The following ACOT7 variants were observed in gnomAD, a reference collection of about 807,000 sequenced individuals.
The protein encoded by ACOT7 is cytosolic acyl coenzyme A thioester hydrolase.
Under a neutral mutation model 40.2 loss-of-function variants are expected in ACOT7, and 12 were observed. That is an observed-to-expected ratio of 0.30 (90% CI 0.19 to 0.48). ACOT7 has a LOEUF of 0.48. Among genes scored for constraint, ACOT7 ranks in the 20% least tolerant of loss-of-function variants. The probability of loss-of-function intolerance (pLI) is 0.99; values close to 1 mark genes in which losing one functional copy is unlikely to be tolerated. For missense variants in ACOT7, 395 were observed against 530.8 expected, an observed-to-expected ratio of 0.74 and a Z score of 2.51; for synonymous variants, 228 against 219.5, an observed-to-expected ratio of 1.04 and a Z score of -0.34.
chr1:6,283,093 G>T (rs1639400908), intron 7 of ACOT7, among the ~76,000 whole-genome samples: 2 of 152,344 alleles, frequency 1.3e-5, no homozygotes, highest in Non-Finnish European at 2.9e-5. Flanking sequence ...CCACCCATGA[G>T]CGTGGTGCCT....
chr1:6,366,909 T>C (rs1293077812), intron 1 of ACOT7, among the ~76,000 whole-genome samples: 1 of 151,984 alleles, frequency 6.6e-6, no homozygotes, highest in East Asian at 1.9e-4. Context: ...CTTTCAAAAG[T>C]GGAGTCAGGC....
At chr1:6,343,082 G>A (rs943206046) in intron 2 of ACOT7, among the ~76,000 whole-genome samples, 1 of 152,188 alleles carries the variant, frequency 6.6e-6, no homozygotes, top group African/African-American at 2.4e-5. Flanking sequence ...CAGGGAGCAG[G>A]TGAGGGAGGG....
chr1:6,290,409 CT>C (rs973187258), intron 7 of ACOT7, among the ~76,000 whole-genome samples: 1 of 152,170 alleles, frequency 6.6e-6, no homozygotes, highest in Non-Finnish European at 1.5e-5. Flanking sequence ...AGGGGGTTTC[CT>C]CCCAGGGGGA....
intron 6 of ACOT7, among the ~76,000 whole-genome samples, chr1:6,295,888 A>AT (rs1227623726): frequency 6.6e-6 from 1 of 152,100 alleles, no homozygotes; most frequent in African/African-American, 2.4e-5. Context: ...CAAAAAAAAA[A>AT]AATCAACAAC....
intron 6 of ACOT7, among the ~76,000 whole-genome samples, chr1:6,309,687 C>T (rs531861323): frequency 1.8e-4 from 27 of 152,180 alleles, no homozygotes; most frequent in African/African-American, 6.0e-4. Flanking sequence ...GCTATGTTCT[C>T]GTTAAGGAGG....
chr1:6,337,648 G>A (rs955857898), intron 3 of ACOT7, among the ~76,000 whole-genome samples: 3 of 152,076 alleles, frequency 2.0e-5, no homozygotes, highest in East Asian at 1.9e-4. Context: ...GCCTGAGAAC[G>A]CCTTTCTGTC....
At chr1:6,309,245 T>C (rs752535855) in intron 6 of ACOT7, among the ~76,000 whole-genome samples, 19 of 152,200 alleles carry the variant, frequency 1.2e-4, no homozygotes, top group Non-Finnish European at 2.5e-4. Context: ...TAGAGGGTGC[T>C]TGGACTTGGA....
chr1:6,385,540 C>T (rs1303744120), intron 1 of ACOT7: 1 of 1,612,288 alleles, frequency 6.2e-7, no homozygotes, highest in Admixed American at 1.7e-5. Context: ...GCCCTGGGCC[C>T]AACCACCTGG....
intron 8 of ACOT7, among the ~76,000 whole-genome samples, chr1:6,265,126 A>G (rs1407066493): frequency 1.3e-5 from 2 of 152,282 alleles, no homozygotes; most frequent in East Asian, 3.9e-4. Flanking sequence ...TGATAATGAA[A>G]CATGGGAGCT....
intron 1 of ACOT7, among the ~76,000 whole-genome samples, chr1:6,388,693 T>C (rs1388871635): frequency 5.3e-5 from 7 of 132,230 alleles, no homozygotes; most frequent in Non-Finnish European, 1.1e-4. Flanking sequence ...TGAGCCAAGA[T>C]CCTGTCACTG....
chr1:6,293,218 C>T (rs1049428721), intron 7 of ACOT7, among the ~76,000 whole-genome samples: 2 of 152,164 alleles, frequency 1.3e-5, no homozygotes, highest in African/African-American at 4.8e-5. Flanking sequence ...TGATGGTTCT[C>T]CAAGGACACT....
At chr1:6,305,534 G>A (rs1345156695) in intron 6 of ACOT7, among the ~76,000 whole-genome samples, 2 of 148,924 alleles carry the variant, frequency 1.3e-5, no homozygotes, top group African/African-American at 5.0e-5. Context: ...CAGGCAGAGG[G>A]TCTCCTCACT....
chr1:6,272,029 C>T (rs1207273888), intron 8 of ACOT7, among the ~76,000 whole-genome samples: 2 of 152,230 alleles, frequency 1.3e-5, no homozygotes, highest in East Asian at 1.9e-4. Flanking sequence ...GTGGACATGG[C>T]GGTCCCCACC....
chr1:6,360,911 G>A (rs1453915917), intron 1 of ACOT7, among the ~76,000 whole-genome samples: 1 of 152,150 alleles, frequency 6.6e-6, no homozygotes, highest in Non-Finnish European at 1.5e-5. Flanking sequence ...CCCGCAAAGA[G>A]GAAGCACTTC....
intron 7 of ACOT7, among the ~76,000 whole-genome samples, chr1:6,281,944 T>C (rs1639370531): frequency 6.6e-6 from 1 of 152,168 alleles, no homozygotes; most frequent in Non-Finnish European, 1.5e-5. Context: ...TCTGGGCTGC[T>C]GGATGCCACA....
intron 2 of ACOT7, among the ~76,000 whole-genome samples, chr1:6,343,066 G>C (rs1431752203): frequency 6.6e-6 from 1 of 152,186 alleles, no homozygotes; most frequent in Admixed American, 6.5e-5. Context: ...GGCTTCCCAG[G>C]GCGGGCAGGG....
intron 5 of ACOT7, among the ~76,000 whole-genome samples, chr1:6,320,410 A>C (rs1640612436): frequency 6.6e-6 from 1 of 152,204 alleles, no homozygotes; most frequent in Non-Finnish European, 1.5e-5. Flanking sequence ...TGGGTCACAC[A>C]GTGAGGTTGA....
chr1:6,312,008 A>AG (rs1640345058), intron 6 of ACOT7, among the ~76,000 whole-genome samples: 1 of 152,164 alleles, frequency 6.6e-6, no homozygotes, highest in Admixed American at 6.5e-5. Context: ...CCAACCTCTC[A>AG]GGGGAGGCGC....
In ACOT7 at chr1:6,299,688, G is replaced by GTA. The variant is rs1458772666; in HGVS notation, c.713-4709_713-4708insTA. On this transcript the variant is annotated intron_variant, in intron 6 of 8. Coordinates refer to ENST00000361521, the MANE Select transcript of ACOT7 (RefSeq NM_007274.4). The surrounding 1 kb of genome is among the most constrained non-coding windows in gnomAD (Gnocchi z 4.1). Reference sequence around the variant, plus strand: ...CAAGTGTGTGTGTGTGTGTGTGTGTGTGTAGGGCACGTGTGTGCGTGTGTT... The same window carrying GTA: ...CAAGTGTGTGTGTGTGTGTGTGTGTGTATGTAGGGCACGTGTGTGCGTGTGTT... Among the ~76,000 whole-genome samples, 1 of 152,254 alleles carries GTA rather than the reference G, an allele frequency of 6.6e-6. No individual in the cohort carries two copies. The highest frequency in any genetic ancestry group is 1.9e-4 in the East Asian group (1 of 5,154).
Sources: allele counts gnomAD v4.1 joint callset (sites outside exome capture counted in the v4.1 genomes callset), GRCh38; gene constraint gnomAD v4.1.1; non-coding constraint Gnocchi (gnomAD v3.1); transcripts MANE v1.5; gene names NCBI Gene and HGNC (gene_info 2026-07-23, HGNC 2026-07-21).